Variants in TTLL5 observed in about 807,000 individuals in gnomAD.
TTLL5 encodes the protein tubulin polyglutamylase TTLL5.
A neutral mutation model predicts 168.4 loss-of-function variants in TTLL5; 132 were observed. The ratio of observed to expected loss-of-function variants is 0.78; its 90% CI spans 0.68 to 0.91. The LOEUF (loss-of-function observed/expected upper bound fraction) is 0.91, where lower values mean the gene tolerates loss of function less well. Among genes scored for constraint, TTLL5 ranks in the 40% least tolerant of loss-of-function variants. TTLL5 has a pLI of 0.00. For missense variants in TTLL5, 1,545 were observed against 1,581.5 expected, an observed-to-expected ratio of 0.98 and a Z score of 0.39; for synonymous variants, 546 against 558.6, an observed-to-expected ratio of 0.98 and a Z score of 0.32.
At chr14:75,837,640 T>C (rs1895942342) in intron 28 of TTLL5, among the ~76,000 whole-genome samples, 1 of 152,156 alleles carries the variant, frequency 6.6e-6, no homozygotes, top group African/African-American at 2.4e-5. Context: ...TGTGGTATTT[T>C]CTATCTATAT....
chr14:75,880,326 T>C (rs2031739347), intron 29 of TTLL5, among the ~76,000 whole-genome samples: 1 of 152,222 alleles, frequency 6.6e-6, no homozygotes, highest in Admixed American at 6.5e-5. Context: ...TTTGAAAATA[T>C]AGTTGTCACC....
At chr14:75,789,015 A>G (rs1358214641) in intron 26 of TTLL5, among the ~76,000 whole-genome samples, 1 of 152,180 alleles carries the variant, frequency 6.6e-6, no homozygotes, top group African/African-American at 2.4e-5. Context: ...ATCATGGTAC[A>G]TGCAGAAAAA....
chr14:75,770,088 G>T (rs1396601590), intron 20 of TTLL5, among the ~76,000 whole-genome samples: 1 of 138,894 alleles, frequency 7.2e-6, no homozygotes, highest in African/African-American at 2.7e-5. Flanking sequence ...TGAGGCAGGA[G>T]AATCGCTTGA....
At chr14:75,949,377 T>TTA (rs935614423) in intron 31 of TTLL5, among the ~76,000 whole-genome samples, 42 of 130,200 alleles carry the variant, frequency 3.2e-4, no homozygotes, top group Admixed American at 9.9e-4. Flanking sequence ...TTATATAAGG[T>TTA]TATATATATA....
At chr14:75,915,240 C>T (rs1337117348) in intron 31 of TTLL5, among the ~76,000 whole-genome samples, 1 of 152,124 alleles carries the variant, frequency 6.6e-6, no homozygotes, top group Non-Finnish European at 1.5e-5. Context: ...TTGTGTAATA[C>T]CTGAAACTGA....
chr14:75,833,015 A>G (rs1286741885), intron 28 of TTLL5, among the ~76,000 whole-genome samples: 6 of 152,108 alleles, frequency 3.9e-5, no homozygotes, highest in Admixed American at 1.3e-4. Flanking sequence ...CTGGTGGGCC[A>G]GTCTCCTCAG....
intron 27 of TTLL5, among the ~76,000 whole-genome samples, chr14:75,795,073 G>A (rs1290415586): frequency 6.6e-6 from 1 of 151,838 alleles, no homozygotes; most frequent in Non-Finnish European, 1.5e-5. Flanking sequence ...TGTGATCTTG[G>A]ACAGTTCATT....
At chr14:75,755,643 A>G (rs954425270) in intron 18 of TTLL5, among the ~76,000 whole-genome samples, 1 of 152,118 alleles carries the variant, frequency 6.6e-6, no homozygotes, top group East Asian at 1.9e-4. Context: ...CATCTTTGTC[A>G]GTATCAAGAA....
rs572377420 is a variant in TTLL5, at chr14:75,824,456, C to T, written c.3326+4295C>T. 1.2e-3 allele frequency among the ~76,000 whole-genome samples: 188 copies of T among 152,182 alleles called. 3 individuals carry two copies. Among genetic ancestry groups the T allele is most frequent in the African/African-American group, 4.3e-3 (177 of 41,498 alleles). Reference sequence around the variant, plus strand: ...CCTGTCCCGGATGAACCTTGAGGGTCGTATGCTCAGTGAAGCCAGCCAGTC... The same window carrying T: ...CCTGTCCCGGATGAACCTTGAGGGTTGTATGCTCAGTGAAGCCAGCCAGTC... On this transcript the variant is annotated intron_variant, in intron 28 of 31. Transcript: ENST00000298832.
At position 75,949,433 on chromosome 14, in the gene TTLL5, C is replaced by CTATATA. The variant is rs560166360; in HGVS notation, c.3824-4983_3824-4978dup. 2.7e-3 allele frequency among the ~76,000 whole-genome samples: 299 copies of CTATATA among 112,170 alleles called. 1 individual carries two copies. The highest frequency in any genetic ancestry group is 3.1e-3 in the South Asian group (11 of 3,548). The allele number at this position is 112,170 out of a possible 152,430, so 73.6% of individuals were successfully genotyped here. Reference sequence around the variant, plus strand: ...TGGTTTTATAGAGTATATATATATTCTATATATATATATTCTATATCCTAT... The same window carrying CTATATA: ...TGGTTTTATAGAGTATATATATATTCTATATATATATATATATATTCTATATCCTAT... On this transcript the variant is annotated intron_variant, in intron 31 of 31. Coordinates refer to ENST00000298832, the MANE Select transcript of TTLL5 (RefSeq NM_015072.5).
intron 28 of TTLL5, among the ~76,000 whole-genome samples, chr14:75,860,330 A>G (rs556383967): frequency 3.9e-5 from 6 of 152,344 alleles, no homozygotes; most frequent in African/African-American, 1.4e-4. Context: ...ATACACAAGA[A>G]GGCATTAAAG....
intron 31 of TTLL5, among the ~76,000 whole-genome samples, chr14:75,918,379 G>T (rs976652539): frequency 2.0e-5 from 3 of 152,106 alleles, no homozygotes; most frequent in African/African-American, 7.2e-5. Context: ...TCTTTCCAGA[G>T]ACTCCACCCC....
intron 10 of TTLL5, 72 bp from the exon 11 acceptor site, chr14:75,719,663 A>T: frequency 7.8e-7 from 1 of 1,280,716 alleles, no homozygotes; most frequent in Non-Finnish European, 1.1e-6. Context: ...CAAGAAGGCT[A>T]TTTGCAAAGA....
intron 2 of TTLL5, among the ~76,000 whole-genome samples, chr14:75,664,290 G>A (rs1352315006): frequency 6.6e-6 from 1 of 152,140 alleles, no homozygotes; most frequent in Non-Finnish European, 1.5e-5. Context: ...TCTGGATTTT[G>A]ATCACTTTGC....
At chr14:75,844,789 T>A (rs1896458785) in intron 28 of TTLL5, among the ~76,000 whole-genome samples, 1 of 152,234 alleles carries the variant, frequency 6.6e-6, no homozygotes, top group Non-Finnish European at 1.5e-5. Flanking sequence ...AATTTTTTTT[T>A]AGCCTTTTCA....
chr14:75,950,583 T>A (rs560670182), intron 31 of TTLL5, among the ~76,000 whole-genome samples: 13 of 152,358 alleles, frequency 8.5e-5, no homozygotes, highest in African/African-American at 2.9e-4. Flanking sequence ...AATGGTACGA[T>A]GCCGATCATT....
At chr14:75,914,033 A>AATATATATATATATATATATATAT (rs1182456559) in intron 31 of TTLL5, among the ~76,000 whole-genome samples, 5 of 71,080 alleles carry the variant, frequency 7.0e-5, no homozygotes, top group African/African-American at 6.2e-4. Flanking sequence ...AAAAAAAAAA[A>AATATATATATATATATATATATAT]ATATATATAT....
chr14:75,736,204 C>T (rs1888896441), intron 15 of TTLL5, among the ~76,000 whole-genome samples: 1 of 152,014 alleles, frequency 6.6e-6, no homozygotes, highest in Admixed American at 6.6e-5. Context: ...CTTCCTACTC[C>T]CCATTTTCTC....
intron 31 of TTLL5, chr14:75,904,233 T>G (rs1468738500): frequency 8.3e-7 from 1 of 1,197,672 alleles, no homozygotes; most frequent in Middle Eastern, 2.3e-4. Flanking sequence ...AAAAAAAGAA[T>G]TACTAGAACA....
Sources: allele counts gnomAD v4.1 joint callset (sites outside exome capture counted in the v4.1 genomes callset), GRCh38; gene constraint gnomAD v4.1.1; transcripts MANE v1.5; gene names NCBI Gene and HGNC (gene_info 2026-07-23, HGNC 2026-07-21).